FAM153A: variants seen among roughly 807,000 people sequenced by gnomAD.
FAM153A encodes the protein family with sequence similarity 153 member A.
In FAM153A, 12 loss-of-function variants were observed where a neutral mutation model predicts 48.1. The ratio of observed to expected loss-of-function variants is 0.25; its 90% CI spans 0.16 to 0.40. The LOEUF (loss-of-function observed/expected upper bound fraction) is 0.40, where lower values mean the gene tolerates loss of function less well. Ranked by LOEUF, FAM153A falls within the 10% of genes least tolerant of loss-of-function variation. The pLI, the probability that FAM153A is intolerant of heterozygous loss-of-function variation, is 1.00. For synonymous variants in FAM153A, 36 were observed against 118.2 expected (o/e 0.30, Z 4.51); for missense variants, 111 against 345.8 (o/e 0.32, Z 5.38).
Position 177,713,376 on chromosome 5 carries a change from G to A in FAM153A, c.*1392-206C>T, listed in dbSNP as rs547925590. Among the ~76,000 whole-genome samples, 749 of 150,034 alleles carry A rather than the reference G, an allele frequency of 5.0e-3. 19 individuals are homozygous for A. The highest frequency in any genetic ancestry group is 0.017 in the African/African-American group (699 of 40,558). On this transcript the variant is annotated intron_variant and NMD_transcript_variant, in intron 26 of 26. Transcript: ENST00000360669. The stretch of plus-strand genomic sequence containing the variant: ...CGTCATTCTCCTGCCTCAGCCTCCC[G>A]AGTAGCTGGGACTAGAGGTGCCTGC...
rs1237775183 is a variant in FAM153A, at chr5:177,758,955, G to A, written c.-56-10256C>T. The stretch of plus-strand genomic sequence containing the variant: ...CTAAAACACCAAAAGCAATGACAAT[G>A]AAAGCCAAAATTAACAAATGGGATC... On this transcript the variant is annotated intron_variant, in intron 1 of 8. Coordinates refer to the FAM153A transcript ENST00000393518. Among the ~76,000 whole-genome samples the A allele has an allele frequency of 1.3e-4, 19 of 151,800 alleles. No individual in the cohort carries two copies. In the East Asian group the frequency reaches 2.7e-3, roughly 22 times the overall value.
In FAM153A at chr5:177,735,078, A is replaced by G. The variant is rs527790632; in HGVS notation, c.665-145T>C. 4.7e-3 allele frequency: 3,027 copies of G among 642,476 alleles called. 191 individuals are homozygous for G. The African/African-American group carries it at 0.051, about 11-fold the overall frequency. The allele number at this position is 642,476 out of a possible 1,614,324, so 39.8% of individuals were successfully genotyped here. On this transcript the variant is annotated intron_variant, in intron 12 of 20. Transcript: ENST00000614127. Reference sequence around the variant, plus strand: ...AGGGAATCAGGGCCTTTGGCTTCCTAGCTCCAGGCCACCTCATAAACATAT... The same window carrying G: ...AGGGAATCAGGGCCTTTGGCTTCCTGGCTCCAGGCCACCTCATAAACATAT...
the FAM153A span, among the ~76,000 whole-genome samples, chr5:177,700,240 T>G: frequency 3.4e-4 from 52 of 152,108 alleles, no homozygotes; most frequent in African/African-American, 1.3e-3. Flanking sequence ...AATTTCATGC[T>G]TTAGGGTAAA....
chr5:177,707,649 T>C (rs1757984428), downstream of FAM153A, among the ~76,000 whole-genome samples: 1 of 151,786 alleles, frequency 6.6e-6, no homozygotes, highest in Non-Finnish European at 1.5e-5. Flanking sequence ...GGAGTCTTAC[T>C]CTGCCACCTA....
At chr5:177,769,230 CAA>C (rs564065546) in intron 1 of FAM153A, among the ~76,000 whole-genome samples, 1 of 16,960 alleles carries the variant, frequency 5.9e-5, no homozygotes. Context: ...GACTCCGTCC[CAA>C]AAAAAAAAAA....
At chr5:177,714,279 G>A (rs1032643870) in intron 25 of FAM153A, 1 of 150,810 alleles carries the variant, frequency 6.6e-6, no homozygotes, top group African/African-American at 2.5e-5. Context: ...TTAGGAGTCA[G>A]GATTAAGGAA....
chr5:177,717,583 T>G (rs1760132294), downstream of FAM153A, among the ~76,000 whole-genome samples: 1 of 150,444 alleles, frequency 6.6e-6, no homozygotes, highest in Non-Finnish European at 1.5e-5. Flanking sequence ...AAAGCTACCC[T>G]CACAAGGAGA....
chr5:177,725,780 A>G (rs1454650387), intron 18 of FAM153A, among the ~76,000 whole-genome samples: 1 of 151,884 alleles, frequency 6.6e-6, no homozygotes, highest in East Asian at 1.9e-4. Context: ...ACCAGGCTAC[A>G]GGGAGGGTGA....
downstream of FAM153A, chr5:177,722,436 G>A (rs1303379421): frequency 4.6e-4 from 66 of 142,526 alleles, no homozygotes; most frequent in African/African-American, 1.5e-3. Context: ...AGCCAGGAAA[G>A]TATTTAAAAA....
At chr5:177,739,053 T>C in intron 10 of FAM153A, 60 bp downstream of exon 12, 1 of 1,558,240 alleles carries the variant, frequency 6.4e-7, no homozygotes, top group Non-Finnish European at 8.8e-7. Flanking sequence ...GGCAAGAACG[T>C]GTCACCTTTC....
chr5:177,707,780 C>T (rs1757996702), downstream of FAM153A, among the ~76,000 whole-genome samples: 1 of 151,784 alleles, frequency 6.6e-6, no homozygotes, highest in Non-Finnish European at 1.5e-5. Context: ...AGGCTGGTCT[C>T]AAACTCCTGA....
At chr5:177,706,700 T>C (rs377113664), downstream of FAM153A, 3 of 151,896 alleles carry the variant, frequency 2.0e-5, no homozygotes, top group African/African-American at 7.3e-5. Flanking sequence ...TATGTTTCCC[T>C]CCTAGACTTT....
intron 10 of FAM153A, among the ~76,000 whole-genome samples, chr5:177,737,971 C>G (rs1025086855): frequency 6.6e-6 from 1 of 151,646 alleles, no homozygotes; most frequent in Non-Finnish European, 1.5e-5. Context: ...AAGATGACTG[C>G]TACTTGGCCC....
At chr5:177,709,139 AAAG>A (rs1758146555), downstream of FAM153A, among the ~76,000 whole-genome samples, 3 of 140,116 alleles carry the variant, frequency 2.1e-5, no homozygotes, top group South Asian at 4.6e-4. Context: ...AAAAGAAAGA[AAAG>A]CCTAGTTTTG....
downstream of FAM153A, among the ~76,000 whole-genome samples, chr5:177,709,674 GTTT>G (rs71585653): frequency 9.4e-6 from 1 of 106,924 alleles, no homozygotes; most frequent in Non-Finnish European, 1.9e-5. Flanking sequence ...TTTTTTTTTT[GTTT>G]TTTTTTTTTT....
At chr5:177,719,024 G>A (rs1369224514), downstream of FAM153A, among the ~76,000 whole-genome samples, 57 of 151,024 alleles carry the variant, frequency 3.8e-4, 3 homozygotes, top group Middle Eastern at 3.4e-3. Flanking sequence ...GGGACTACAC[G>A]CGTGCACCAC....
intron 18 of FAM153A, among the ~76,000 whole-genome samples, chr5:177,728,644 C>T (rs527404639): frequency 1.9e-4 from 28 of 150,494 alleles, no homozygotes; most frequent in South Asian, 4.2e-4. Flanking sequence ...CTTGGCTCAC[C>T]GCAACCTCTA....
downstream of FAM153A, among the ~76,000 whole-genome samples, chr5:177,710,218 T>C (rs1758290435): frequency 6.6e-6 from 1 of 151,280 alleles, no homozygotes; most frequent in Non-Finnish European, 1.5e-5. Context: ...GTTCGAGAAA[T>C]TATTCTGCCT....
chr5:177,749,364 C>T (rs2127684250), intron 2 of FAM153A, among the ~76,000 whole-genome samples: 1 of 133,684 alleles, frequency 7.5e-6, no homozygotes, highest in African/African-American at 2.8e-5. Flanking sequence ...AATAAAGAAA[C>T]TCAACAAAAC....
Sources: gnomAD v4.1 joint callset for allele counts (sites outside exome capture counted in the v4.1 genomes callset) on GRCh38, gnomAD v4.1.1 for gene constraint, MANE v1.5 for transcripts, NCBI Gene and HGNC (gene_info 2026-07-23, HGNC 2026-07-21) for gene names.